Variants in CSMD1 observed in about 807,000 individuals in gnomAD.
CSMD1 encodes CUB and sushi domain-containing protein 1.
CSMD1 carries 213 observed loss-of-function variants against 417.5 expected under a neutral mutation model. That is an observed-to-expected ratio of 0.51 (90% CI 0.46 to 0.57). The LOEUF (loss-of-function observed/expected upper bound fraction) is 0.57, where lower values mean the gene tolerates loss of function less well. CSMD1 is among the 20% of genes least tolerant of loss of function. CSMD1 has a pLI of 0.00. For missense variants in CSMD1, 6,923 were observed against 4,529.7 expected (o/e 1.53, Z -15.17); for synonymous variants, 2,862 against 1,736.8 (o/e 1.65, Z -16.11).
At chr8:4,560,809 G>C (rs1798296050) in intron 2 of CSMD1, among the ~76,000 whole-genome samples, 1 of 152,140 alleles carries the variant, frequency 6.6e-6, no homozygotes, top group Non-Finnish European at 1.5e-5. Flanking sequence ...TAATGATTCT[G>C]CCTGTTCCTC....
chr8:4,690,880 C>T (rs1203069088), intron 1 of CSMD1, among the ~76,000 whole-genome samples: 1 of 152,158 alleles, frequency 6.6e-6, no homozygotes, highest in Non-Finnish European at 1.5e-5. Context: ...AGGTGCATGT[C>T]ACCATGCCCG....
chr8:3,866,488 C>T (rs1001032799), intron 5 of CSMD1, among the ~76,000 whole-genome samples: 5 of 152,146 alleles, frequency 3.3e-5, no homozygotes, highest in Admixed American at 2.6e-4. Context: ...TACACATTTC[C>T]TGTTGGGTGC....
intron 26 of CSMD1, among the ~76,000 whole-genome samples, chr8:3,242,869 G>A (rs117839902): frequency 0.068 from 10,381 of 151,988 alleles, 444 homozygotes; most frequent in Middle Eastern, 0.1. Context: ...AGGGATCGGG[G>A]TACAGAGATA....
intron 1 of CSMD1, among the ~76,000 whole-genome samples, chr8:4,971,151 C>T (rs970436029): frequency 1.3e-5 from 2 of 151,948 alleles, no homozygotes; most frequent in African/African-American, 4.8e-5. Flanking sequence ...TCCCTTCCAA[C>T]TCTCATAATC....
chr8:4,846,117 T>A (rs528259354), intron 1 of CSMD1, among the ~76,000 whole-genome samples: 1 of 152,216 alleles, frequency 6.6e-6, no homozygotes, highest in African/African-American at 2.4e-5. Context: ...CACGTGGCCA[T>A]TGAGTACCTC....
chr8:3,145,393 C>T (rs1387629092), intron 40 of CSMD1, among the ~76,000 whole-genome samples: 7 of 152,090 alleles, frequency 4.6e-5, no homozygotes, highest in Non-Finnish European at 1.0e-4. Flanking sequence ...ATTCATGAAC[C>T]GGCACAGTCA....
chr8:3,481,286 G>A (rs1326567200), intron 11 of CSMD1, among the ~76,000 whole-genome samples: 2 of 151,032 alleles, frequency 1.3e-5, no homozygotes, highest in African/African-American at 2.4e-5. Context: ...TTTCAAAAGA[G>A]AAAAAACAAG....
intron 6 of CSMD1, among the ~76,000 whole-genome samples, chr8:3,718,254 G>A (rs1801953016): frequency 6.6e-6 from 1 of 152,032 alleles, no homozygotes; most frequent in South Asian, 2.1e-4. Context: ...TATTTTGACT[G>A]CAGCTCCCAT....
chr8:3,738,605 T>G (rs34105889), intron 6 of CSMD1, among the ~76,000 whole-genome samples: 141,950 of 152,204 alleles, frequency 0.93, 67,019 homozygotes, highest in Non-Finnish European at 1. Context: ...CATCCTCAGG[T>G]GGCAGCAGTC....
At chr8:3,928,045 T>C in intron 5 of CSMD1, among the ~76,000 whole-genome samples, 1 of 152,224 alleles carries the variant, frequency 6.6e-6, no homozygotes, top group East Asian at 1.9e-4. Context: ...AGCATCAATT[T>C]TTTTCTTAAA....
chr8:3,324,375 G>A (rs1318310095), intron 23 of CSMD1, among the ~76,000 whole-genome samples: 1 of 150,016 alleles, frequency 6.7e-6, no homozygotes, highest in Non-Finnish European at 1.5e-5. Flanking sequence ...AGGGACCCAG[G>A]AAGGGGCGTT....
intron 23 of CSMD1, among the ~76,000 whole-genome samples, chr8:3,326,131 G>A (rs1278221602): frequency 5.9e-5 from 9 of 152,174 alleles, no homozygotes; most frequent in Admixed American, 5.9e-4. Flanking sequence ...TCCAAGCACA[G>A]AATGGTTTCA....
At chr8:3,952,393 T>C (rs961349468) in intron 5 of CSMD1, among the ~76,000 whole-genome samples, 14 of 152,232 alleles carry the variant, frequency 9.2e-5, no homozygotes, top group African/African-American at 3.4e-4. Context: ...CTACTTAGTT[T>C]CTTCATTAAA....
At chr8:4,925,253 A>G (rs1320540987) in intron 1 of CSMD1, among the ~76,000 whole-genome samples, 6 of 73,864 alleles carry the variant, frequency 8.1e-5, no homozygotes. Context: ...AGTGTGGCCC[A>G]CTTTTGGTTC....
chr8:3,740,125 G>C (rs982964855), intron 6 of CSMD1, among the ~76,000 whole-genome samples: 48 of 152,208 alleles, frequency 3.2e-4, no homozygotes, highest in African/African-American at 1.1e-3. Flanking sequence ...TTCTTTTTGA[G>C]ATGGAGTTTC....
intron 3 of CSMD1, among the ~76,000 whole-genome samples, chr8:4,402,635 C>G (rs1056815421): frequency 2.0e-5 from 3 of 152,002 alleles, no homozygotes; most frequent in African/African-American, 4.8e-5. Context: ...CTTGCAAGAC[C>G]TATCCCTCAT....
chr8:4,312,252 C>T (rs928260948), intron 3 of CSMD1, among the ~76,000 whole-genome samples: 1 of 151,462 alleles, frequency 6.6e-6, no homozygotes, highest in Non-Finnish European at 1.5e-5. Context: ...TATTGCAATC[C>T]TAATTTATTG....
chr8:3,754,536 G>A (rs975991021), intron 5 of CSMD1, among the ~76,000 whole-genome samples: 1 of 151,934 alleles, frequency 6.6e-6, no homozygotes, highest in Admixed American at 6.6e-5. Context: ...CTCACTGCAA[G>A]CTCCGCCTCC....
intron 1 of CSMD1, among the ~76,000 whole-genome samples, chr8:4,699,378 C>T (rs190387055): frequency 6.6e-6 from 1 of 152,284 alleles, no homozygotes; most frequent in Admixed American, 6.5e-5. Context: ...GTACCCACAA[C>T]TCACACCTTG....
Sources: allele counts gnomAD v4.1 joint callset (sites outside exome capture counted in the v4.1 genomes callset), GRCh38; gene constraint gnomAD v4.1.1; transcripts MANE v1.5; gene names NCBI Gene and HGNC (gene_info 2026-07-23, HGNC 2026-07-21).